Variants in PTPRD observed in about 807,000 individuals in gnomAD.
The protein encoded by PTPRD is receptor-type tyrosine-protein phosphatase delta.
In PTPRD, 34 loss-of-function variants were observed where a neutral mutation model predicts 214.5. The ratio of observed to expected loss-of-function variants is 0.16; its 90% CI spans 0.12 to 0.21. The LOEUF (loss-of-function observed/expected upper bound fraction) is 0.21, where lower values mean the gene tolerates loss of function less well. Ranked by LOEUF, PTPRD falls within the 10% of genes least tolerant of loss-of-function variation. PTPRD has a pLI of 1.00. For synonymous variants in PTPRD, 1,128 were observed against 845.7 expected (o/e 1.33, Z -5.79); for missense variants, 2,545 against 2,398.7 (o/e 1.06, Z -1.27).
chr9:8,882,107 G>A (rs1365271286), intron 11 of PTPRD, among the ~76,000 whole-genome samples: 1 of 152,190 alleles, frequency 6.6e-6, no homozygotes, highest in Admixed American at 6.5e-5. Context: ...GTGTGTTAGA[G>A]CAAGAACCAA....
At chr9:9,366,840 G>GT in intron 9 of PTPRD, among the ~76,000 whole-genome samples, 1 of 150,738 alleles carries the variant, frequency 6.6e-6, no homozygotes, top group East Asian at 2.0e-4. Flanking sequence ...ATACATTAAG[G>GT]TAAAAAAAAG....
intron 2 of PTPRD, among the ~76,000 whole-genome samples, chr9:10,608,421 T>G (rs2080060727): frequency 6.6e-6 from 1 of 151,942 alleles, no homozygotes; most frequent in South Asian, 2.1e-4. Context: ...AAATAAACAT[T>G]CAATCTCAAT....
intron 14 of PTPRD, among the ~76,000 whole-genome samples, chr9:8,585,468 G>A (rs1421681481): frequency 6.6e-6 from 1 of 152,130 alleles, no homozygotes; most frequent in Non-Finnish European, 1.5e-5. Flanking sequence ...TCTGGGATAT[G>A]AATGCCTAAG....
chr9:9,850,723 A>C (rs1485143524), intron 5 of PTPRD, among the ~76,000 whole-genome samples: 1 of 152,148 alleles, frequency 6.6e-6, no homozygotes, highest in Non-Finnish European at 1.5e-5. Context: ...TTCAAGTATA[A>C]AACACATTGT....
At chr9:9,431,523 A>C (rs2083120470) in intron 8 of PTPRD, among the ~76,000 whole-genome samples, 1 of 152,140 alleles carries the variant, frequency 6.6e-6, no homozygotes, top group African/African-American at 2.4e-5. Flanking sequence ...ACAACTAGAA[A>C]TACCATTTGA....
At chr9:9,389,555 C>G (rs954826136) in intron 9 of PTPRD, among the ~76,000 whole-genome samples, 13 of 152,058 alleles carry the variant, frequency 8.5e-5, no homozygotes, top group Admixed American at 6.6e-5. Context: ...AGTAATTTAT[C>G]TCTAATTGCA....
intron 2 of PTPRD, among the ~76,000 whole-genome samples, chr9:10,518,633 C>T (rs1026397823): frequency 2.0e-4 from 30 of 151,694 alleles, no homozygotes; most frequent in African/African-American, 5.1e-4. Flanking sequence ...CCCAGGTTCA[C>T]GCCATTCTGC....
intron 3 of PTPRD, among the ~76,000 whole-genome samples, chr9:10,219,204 C>T (rs555801695): frequency 6.6e-6 from 1 of 151,728 alleles, no homozygotes; most frequent in Admixed American, 6.6e-5. Flanking sequence ...AAGAACACTC[C>T]AATAAATCAA....
chr9:9,880,819 C>T (rs780673282), intron 5 of PTPRD, among the ~76,000 whole-genome samples: 3 of 152,166 alleles, frequency 2.0e-5, no homozygotes, highest in Non-Finnish European at 4.4e-5. Context: ...GTTCCTTAGA[C>T]TGATGCTGCT....
intron 2 of PTPRD, among the ~76,000 whole-genome samples, chr9:10,484,167 C>A (rs1355679670): frequency 6.6e-6 from 1 of 151,968 alleles, no homozygotes; most frequent in East Asian, 1.9e-4. Flanking sequence ...GAACTGGATT[C>A]TTTAATCTAA....
chr9:8,838,862 A>G (rs908659370), intron 11 of PTPRD, among the ~76,000 whole-genome samples: 2 of 152,156 alleles, frequency 1.3e-5, no homozygotes, highest in East Asian at 3.8e-4. Flanking sequence ...GATTGAAATC[A>G]TAGGAAAGAA....
chr9:9,930,752 C>G (rs1042197191), intron 5 of PTPRD, among the ~76,000 whole-genome samples: 1 of 151,828 alleles, frequency 6.6e-6, no homozygotes, highest in Non-Finnish European at 1.5e-5. Flanking sequence ...TACTTTTCCA[C>G]AAAATGAAGC....
chr9:9,313,720 T>C (rs1158453126), intron 9 of PTPRD, among the ~76,000 whole-genome samples: 14 of 152,168 alleles, frequency 9.2e-5, no homozygotes, highest in Non-Finnish European at 2.1e-4. Flanking sequence ...AAAGGGCTTC[T>C]GATAAAAATT....
chr9:9,633,805 T>C (rs1227911427), intron 7 of PTPRD, among the ~76,000 whole-genome samples: 1 of 152,180 alleles, frequency 6.6e-6, no homozygotes, highest in Non-Finnish European at 1.5e-5. Flanking sequence ...TAGAAAGTTT[T>C]TGAAGACTAT....
chr9:8,702,987 G>A (rs183419355), intron 12 of PTPRD, among the ~76,000 whole-genome samples: 48 of 152,258 alleles, frequency 3.2e-4, no homozygotes, highest in African/African-American at 1.0e-3. Context: ...TGAATCAACT[G>A]GATTGACTGG....
intron 5 of PTPRD, among the ~76,000 whole-genome samples, chr9:9,833,178 C>A (rs1599112053): frequency 6.6e-6 from 1 of 151,932 alleles, no homozygotes; most frequent in African/African-American, 2.4e-5. Context: ...TATCAGGGGA[C>A]CTGCCCCGAT....
chr9:8,536,752 T>C lies in PTPRD; in HGVS notation c.353-7973A>G, dbSNP rs1000835905. ...CAGAGACCAGAAAAGCAGATATAAGTAGACCTAACATATCTACCCTATGAC... is the reference window on the plus strand; with the variant it reads ...CAGAGACCAGAAAAGCAGATATAAGCAGACCTAACATATCTACCCTATGAC... On this transcript the variant is annotated intron_variant, in intron 14 of 45. Coordinates refer to ENST00000381196, the MANE Select transcript of PTPRD (RefSeq NM_002839.4). 1.4e-4 allele frequency among the ~76,000 whole-genome samples: 22 copies of C among 152,082 alleles called. No homozygotes were observed. In the South Asian group the frequency reaches 3.1e-3, roughly 21 times the overall value.
intron 8 of PTPRD, among the ~76,000 whole-genome samples, chr9:9,569,280 A>G (rs185356102): frequency 7.5e-4 from 101 of 134,312 alleles, no homozygotes; most frequent in South Asian, 2.7e-3. Flanking sequence ...AGCAGAGGGG[A>G]AAAAAAAAAG....
At chr9:8,531,944 C>T (rs925288468) in intron 14 of PTPRD, among the ~76,000 whole-genome samples, 2 of 152,032 alleles carry the variant, frequency 1.3e-5, no homozygotes, top group Non-Finnish European at 2.9e-5. Context: ...TTTTCATGAC[C>T]TTTCTCTTCC....
Sources: gnomAD v4.1 joint callset for allele counts (sites outside exome capture counted in the v4.1 genomes callset) on GRCh38, gnomAD v4.1.1 for gene constraint, MANE v1.5 for transcripts, NCBI Gene and HGNC (gene_info 2026-07-23, HGNC 2026-07-21) for gene names.